The following TMEM132D variants were observed in gnomAD, a reference collection of about 807,000 sequenced individuals.
TMEM132D encodes mature OL transmembrane protein.
In TMEM132D, 21 loss-of-function variants were observed where a neutral mutation model predicts 62.3. The observed-to-expected ratio is 0.34, with a 90% confidence interval of 0.24 to 0.49. TMEM132D has a LOEUF of 0.49. TMEM132D is among the 20% of genes least tolerant of loss of function. The probability of loss-of-function intolerance (pLI) is 0.99; values close to 1 mark genes in which losing one functional copy is unlikely to be tolerated. For synonymous variants in TMEM132D, 621 were observed against 575.6 expected (o/e 1.08, Z -1.13); for missense variants, 1,346 against 1,402.8 (o/e 0.96, Z 0.65).
chr12:129,902,731 C>G (rs1875400595), intron 1 of TMEM132D, among the ~76,000 whole-genome samples: 1 of 152,170 alleles, frequency 6.6e-6, no homozygotes, highest in Non-Finnish European at 1.5e-5. Flanking sequence ...AACCCATCCC[C>G]CTTCTTCAGA....
intron 3 of TMEM132D, among the ~76,000 whole-genome samples, chr12:129,438,816 C>A (rs185829876): frequency 1.3e-5 from 2 of 152,218 alleles, no homozygotes; most frequent in Non-Finnish European, 2.9e-5. Context: ...CATCACCATT[C>A]AATTAAGTGT....
At chr12:129,897,762 G>C (rs752619307) in intron 1 of TMEM132D, among the ~76,000 whole-genome samples, 1 of 152,084 alleles carries the variant, frequency 6.6e-6, no homozygotes, top group Non-Finnish European at 1.5e-5. Flanking sequence ...TTATTCATTT[G>C]CTCAACAAAT....
At position 129,075,005 on chromosome 12, in the gene TMEM132D, C is replaced by T. The variant is rs761900425; in HGVS notation, c.2170G>A (p.Asp724Asn). 6.2e-7 allele frequency: 1 copy of T among 1,613,612 alleles called. No homozygotes were observed. The highest frequency in any genetic ancestry group is 1.7e-5 in the Admixed American group (1 of 60,002). ...QFSDGSVTPL[D>N]IYDGKDFSLM... is the part of the protein sequence containing the mutation. The stretch of plus-strand genomic sequence containing the variant: ...GAGAAGTCTTTCCCATCGTAAATAT[C>T]CAAGGGCGTGACTGAGCCATCACTG... Residue 724 changes from aspartate (D) to asparagine (N), a missense_variant, in exon 9 of 9, where the codon GAT becomes AAT. Coordinates refer to ENST00000422113, the MANE Select transcript of TMEM132D (RefSeq NM_133448.3).
At chr12:129,517,294 G>T (rs551900704) in intron 3 of TMEM132D, among the ~76,000 whole-genome samples, 6 of 152,312 alleles carry the variant, frequency 3.9e-5, no homozygotes, top group Admixed American at 2.0e-4. Context: ...GGAGAATCAA[G>T]TTGGTTAAAT....
intron 2 of TMEM132D, among the ~76,000 whole-genome samples, chr12:129,607,587 A>T (rs763729054): frequency 3.9e-5 from 6 of 152,148 alleles, no homozygotes; most frequent in Non-Finnish European, 8.8e-5. Context: ...AGGAAATTCC[A>T]AGGGCTTAGA....
intron 2 of TMEM132D, among the ~76,000 whole-genome samples, chr12:129,665,454 A>G (rs1880353942): frequency 6.6e-6 from 1 of 152,146 alleles, no homozygotes; most frequent in African/African-American, 2.4e-5. Flanking sequence ...GAAACCAGAC[A>G]AAAGGCCATC....
chr12:129,723,681 G>T (rs1161064744), intron 1 of TMEM132D, among the ~76,000 whole-genome samples: 1 of 152,168 alleles, frequency 6.6e-6, no homozygotes, highest in African/African-American at 2.4e-5. Context: ...AGCCCCTCTT[G>T]TTGCTGGTCT....
At chr12:129,151,572 C>T (rs1001195256) in intron 5 of TMEM132D, among the ~76,000 whole-genome samples, 8 of 152,314 alleles carry the variant, frequency 5.3e-5, no homozygotes, top group South Asian at 2.1e-4. Flanking sequence ...CATATGGTCA[C>T]GGCGCGTGTA....
intron 3 of TMEM132D, among the ~76,000 whole-genome samples, chr12:129,497,706 C>G (rs1169526566): frequency 6.6e-6 from 1 of 151,832 alleles, no homozygotes; most frequent in Admixed American, 6.6e-5. Flanking sequence ...CTTGTCAAGG[C>G]TGGAATACAT....
intron 1 of TMEM132D, among the ~76,000 whole-genome samples, chr12:129,886,677 C>A: frequency 6.6e-6 from 1 of 152,152 alleles, no homozygotes; most frequent in East Asian, 1.9e-4. Context: ...TCTTAGGAGT[C>A]AAGAAACACA....
intron 3 of TMEM132D, among the ~76,000 whole-genome samples, chr12:129,373,482 A>G (rs898845979): frequency 6.6e-5 from 10 of 151,880 alleles, no homozygotes; most frequent in Non-Finnish European, 1.3e-4. Flanking sequence ...AATACAAAAA[A>G]TTAGCCAGGC....
chr12:129,083,105 A>G (rs952592845), intron 6 of TMEM132D, among the ~76,000 whole-genome samples: 2 of 152,200 alleles, frequency 1.3e-5, no homozygotes, highest in Admixed American at 1.3e-4. Context: ...ACTACGTTAG[A>G]CAGAATGGAT....
intron 4 of TMEM132D, among the ~76,000 whole-genome samples, chr12:129,252,801 A>G (rs1358411944): frequency 6.6e-6 from 1 of 152,126 alleles, no homozygotes; most frequent in African/African-American, 2.4e-5. Context: ...TAAATGTCCA[A>G]CAACGATAGA....
At chr12:129,162,969 G>A (rs1181777616) in intron 5 of TMEM132D, among the ~76,000 whole-genome samples, 1 of 152,186 alleles carries the variant, frequency 6.6e-6, no homozygotes, top group Non-Finnish European at 1.5e-5. Flanking sequence ...CCACTGGACT[G>A]CGCAGGACCA....
intron 1 of TMEM132D, among the ~76,000 whole-genome samples, chr12:129,800,631 G>C (rs544000779): frequency 6.6e-6 from 1 of 152,098 alleles, no homozygotes; most frequent in Non-Finnish European, 1.5e-5. Flanking sequence ...CCCTCCCTCC[G>C]AGCACCTTTG....
chr12:129,268,152 A>G (rs1180694455), intron 4 of TMEM132D, among the ~76,000 whole-genome samples: 2 of 152,242 alleles, frequency 1.3e-5, no homozygotes, highest in Admixed American at 1.3e-4. Context: ...AAACACCAAA[A>G]GCAATGGCAA....
intron 1 of TMEM132D, among the ~76,000 whole-genome samples, chr12:129,706,204 A>G (rs1041341450): frequency 3.9e-5 from 6 of 152,028 alleles, no homozygotes; most frequent in East Asian, 1.9e-4. Context: ...CTGGCTCAAA[A>G]GTTAAAAGAA....
At chr12:129,157,818 T>A (rs1877290481) in intron 5 of TMEM132D, among the ~76,000 whole-genome samples, 1 of 152,206 alleles carries the variant, frequency 6.6e-6, no homozygotes, top group African/African-American at 2.4e-5. Flanking sequence ...CATATATAAT[T>A]TCATTGCTTT....
At chr12:129,391,218 AAAT>A (rs1200902698) in intron 3 of TMEM132D, among the ~76,000 whole-genome samples, 2 of 152,194 alleles carry the variant, frequency 1.3e-5, no homozygotes, top group Non-Finnish European at 2.9e-5. Context: ...AACAATAAGG[AAAT>A]AATAATAAAA....
Sources: gnomAD v4.1 joint callset for allele counts (sites outside exome capture counted in the v4.1 genomes callset) on GRCh38, gnomAD v4.1.1 for gene constraint, MANE v1.5 for transcripts, NCBI Gene and HGNC (gene_info 2026-07-23, HGNC 2026-07-21) for gene names.